Variants in DST observed in about 807,000 individuals in gnomAD.
DST encodes the protein bullous pemphigoid antigen.
Under a neutral mutation model 875.2 loss-of-function variants are expected in DST, and 253 were observed. The ratio of observed to expected loss-of-function variants is 0.29; its 90% CI spans 0.26 to 0.32. The LOEUF is 0.32. Among genes scored for constraint, DST ranks in the 10% least tolerant of loss-of-function variants. The pLI is 1.00. For missense variants in DST, 8,287 were observed against 9,111.6 expected (o/e 0.91, Z 3.68); for synonymous variants, 3,124 against 3,197.1 (o/e 0.98, Z 0.77).
At chr6:56,624,909 C>G (rs1263084894) in intron 35 of DST, among the ~76,000 whole-genome samples, 1 of 151,612 alleles carries the variant, frequency 6.6e-6, no homozygotes, top group African/African-American at 2.4e-5. Context: ...TTTTAAAAAC[C>G]CTTAATAGAA....
intron 36 of DST, chr6:56,620,385 C>T: frequency 6.2e-7 from 1 of 1,614,182 alleles, no homozygotes; most frequent in Non-Finnish European, 8.5e-7. Context: ...AGCTGCCTCA[C>T]CCGCTCCAGT....
chr6:56,533,879 A>T (rs949506667), intron 63 of DST, among the ~76,000 whole-genome samples: 1 of 152,196 alleles, frequency 6.6e-6, no homozygotes, highest in East Asian at 1.9e-4. Context: ...TAAAGTAAGC[A>T]GTAAGTCTTA....
At chr6:56,532,218 C>T (rs2096908358) in intron 64 of DST, 126 bp downstream of exon 64, 1 of 862,676 alleles carries the variant, frequency 1.2e-6, no homozygotes, top group East Asian at 2.7e-5. Flanking sequence ...TCTTTGCTAT[C>T]TCTGTTCACA....
At position 56,552,831 on chromosome 6, in the gene DST, A is replaced by G; in HGVS notation, c.15961T>C (p.Ser5321Pro). 6.2e-7 allele frequency: 1 copy of G among 1,612,996 alleles called. No homozygotes were observed. Among genetic ancestry groups the G allele is most frequent in the Non-Finnish European group, 8.5e-7 (1 of 1,179,878 alleles). ...YLTMLQTQQKSLQALKHQVDL... is the reference protein window; with the variant it reads ...YLTMLQTQQKPLQALKHQVDL... Reference sequence around the variant, plus strand: ...ACCTGATGCTTCAAGGCCTGAAGTGATTTCTGCTGAGTTTGCAACATGGTC... The same window carrying G: ...ACCTGATGCTTCAAGGCCTGAAGTGGTTTCTGCTGAGTTTGCAACATGGTC... Residue 5321 changes from serine to proline, a missense_variant, in exon 61 of 104, where the codon TCA (serine) becomes CCA (proline). Ser to Pro is a moderately conservative substitution (Grantham distance 74, BLOSUM62 -1). Coordinates refer to ENST00000680361, the MANE Select transcript of DST (RefSeq NM_001374736.1).
intron 4 of DST, among the ~76,000 whole-genome samples, chr6:56,824,253 C>T (rs1411936123): frequency 1.3e-5 from 2 of 152,200 alleles, no homozygotes; most frequent in Admixed American, 1.3e-4. Flanking sequence ...GCGAGTGATC[C>T]GCCAGCCTCG....
chr6:56,701,756 G>T (rs537544892), intron 8 of DST, 132 bp downstream of exon 8: 2 of 562,374 alleles, frequency 3.6e-6, no homozygotes, highest in South Asian at 2.8e-5. Context: ...TTAAATATTT[G>T]CTTCACCAAA....
intron 59 of DST, 33 bp from the exon 60 acceptor site, chr6:56,555,873 T>G: frequency 6.9e-7 from 1 of 1,440,392 alleles, no homozygotes; most frequent in African/African-American, 1.4e-5. Flanking sequence ...ACGCAAATTA[T>G]TATATAATTG....
At chr6:56,572,679 TA>T in intron 52 of DST, 67 bp downstream of exon 52, 1 of 1,144,408 alleles carries the variant, frequency 8.7e-7, no homozygotes, top group Non-Finnish European at 1.2e-6. Flanking sequence ...ATTCTGGCAC[TA>T]AGTATATGAG....
At chr6:56,627,879 T>C in intron 33 of DST, 120 bp downstream of exon 33, 1 of 911,638 alleles carries the variant, frequency 1.1e-6, no homozygotes, top group South Asian at 1.5e-5. Context: ...ATTTTTTATA[T>C]ACTCTCCACC....
chr6:56,882,536 G>T (rs960430904), intron 3 of DST, among the ~76,000 whole-genome samples: 2 of 152,174 alleles, frequency 1.3e-5, no homozygotes, highest in Non-Finnish European at 2.9e-5. Context: ...TCACTGGCTT[G>T]CCTCCCTATT....
At chr6:56,945,567 G>A (rs1379448955) in intron 2 of DST, among the ~76,000 whole-genome samples, 1 of 148,112 alleles carries the variant, frequency 6.8e-6, no homozygotes, top group Non-Finnish European at 1.5e-5. Context: ...GAAAAAGCAG[G>A]TGACTCTGAA....
At chr6:56,619,936 C>A (rs2098671833) in intron 36 of DST, 1 of 1,614,130 alleles carries the variant, frequency 6.2e-7, no homozygotes. Flanking sequence ...CATCTACCTG[C>A]TGTTTGAGTT....
intron 44 of DST, among the ~76,000 whole-genome samples, chr6:56,600,614 A>G (rs1450086860): frequency 6.6e-6 from 1 of 152,106 alleles, no homozygotes; most frequent in Non-Finnish European, 1.5e-5. Context: ...TGATATGTGT[A>G]TATAGGTTAT....
At position 56,673,160 on chromosome 6, in the gene DST, G is replaced by A. The variant is rs60360068; in HGVS notation, c.1048-2353C>T. Among the ~76,000 whole-genome samples, 1,174 of 152,134 alleles carry A rather than the reference G, an allele frequency of 7.7e-3. 16 individuals are homozygous for A. The highest frequency in any genetic ancestry group is 0.027 in the African/African-American group (1,107 of 41,476). On this transcript the variant is annotated intron_variant, in intron 9 of 103. Transcript: ENST00000680361. ...TCCCAGCTACTAGCCGAGGCAGATC[G>A]CCTGAGTCTAGGAGGTTGAGGCTGT... is the stretch of plus-strand genomic sequence containing the variant.
chr6:56,490,773 T>C (rs1383897965), intron 85 of DST, among the ~76,000 whole-genome samples: 1 of 151,922 alleles, frequency 6.6e-6, no homozygotes, highest in Non-Finnish European at 1.5e-5. Context: ...GCTATAACAG[T>C]TGGATGGTAA....
At chr6:56,688,933 C>G (rs899992565) in intron 9 of DST, among the ~76,000 whole-genome samples, 1 of 152,032 alleles carries the variant, frequency 6.6e-6, no homozygotes, top group African/African-American at 2.4e-5. Flanking sequence ...TACACTTATG[C>G]ACATGAATTC....
At chr6:56,717,172 G>C (rs1265990308) in intron 5 of DST, among the ~76,000 whole-genome samples, 1 of 146,120 alleles carries the variant, frequency 6.8e-6, no homozygotes, top group East Asian at 2.0e-4. Context: ...AACAGAGCGA[G>C]ACTCCGTCTC....
chr6:56,916,988 A>T (rs1182478099), intron 2 of DST, among the ~76,000 whole-genome samples: 3 of 70,658 alleles, frequency 4.2e-5, no homozygotes, highest in African/African-American at 2.6e-4. Flanking sequence ...CAGGCATGCT[A>T]AAAAAAAAAA....
chr6:56,668,457 C>T (rs903651750), intron 10 of DST, among the ~76,000 whole-genome samples: 2 of 152,064 alleles, frequency 1.3e-5, no homozygotes, highest in Non-Finnish European at 2.9e-5. Flanking sequence ...TGGTGGCTCA[C>T]GCAGCCAAGC....
Sources: allele counts gnomAD v4.1 joint callset (sites outside exome capture counted in the v4.1 genomes callset), GRCh38; gene constraint gnomAD v4.1.1; transcripts MANE v1.5; gene names NCBI Gene and HGNC (gene_info 2026-07-23, HGNC 2026-07-21).